The following CORO2B variants were observed in gnomAD, a reference collection of about 807,000 sequenced individuals.
The protein encoded by CORO2B is coronin 2B, also known as coronin-2B.
A neutral mutation model predicts 58.8 loss-of-function variants in CORO2B; 26 were observed. The ratio of observed to expected loss-of-function variants is 0.44; its 90% CI spans 0.32 to 0.61. CORO2B has a LOEUF of 0.61. Ranked by LOEUF, CORO2B falls within the 20% of genes least tolerant of loss-of-function variation. CORO2B has a pLI of 0.04. For synonymous variants in CORO2B, 242 were observed against 253.8 expected (o/e 0.95, Z 0.44); for missense variants, 460 against 645.1 (o/e 0.71, Z 3.11).
At chr15:68,581,212 C>A (rs1899417376) in intron 1 of CORO2B, among the ~76,000 whole-genome samples, 1 of 152,170 alleles carries the variant, frequency 6.6e-6, no homozygotes, top group South Asian at 2.1e-4. Context: ...ACTCCTCCAC[C>A]CCCATACCCA....
At chr15:68,683,655 C>T (rs11636025) in intron 2 of CORO2B, among the ~76,000 whole-genome samples, 100,624 of 151,872 alleles carry the variant, frequency 0.66, 34,101 homozygotes, top group East Asian at 0.86. Flanking sequence ...CTACCCATCA[C>T]ATTTAAGGCC....
intron 3 of CORO2B, among the ~76,000 whole-genome samples, chr15:68,699,521 C>T (rs1892591395): frequency 6.6e-6 from 1 of 151,982 alleles, no homozygotes; most frequent in Non-Finnish European, 1.5e-5. Context: ...GAGGGGCTGG[C>T]CTGGGCTGCT....
chr15:68,654,027 A>G (rs1008520022), intron 2 of CORO2B, among the ~76,000 whole-genome samples: 3 of 152,214 alleles, frequency 2.0e-5, no homozygotes, highest in Non-Finnish European at 4.4e-5. Context: ...CTCAAAGCCC[A>G]TGACAGCCTG....
the CORO2B span, among the ~76,000 whole-genome samples, chr15:68,562,678 G>A: frequency 1.3e-5 from 2 of 152,026 alleles, no homozygotes; most frequent in Non-Finnish European, 2.9e-5. Context: ...AAAATACTTC[G>A]AGACAATGAA....
chr15:68,719,974 A>T (rs2140334542), intron 11 of CORO2B, among the ~76,000 whole-genome samples: 1 of 152,274 alleles, frequency 6.6e-6, no homozygotes, highest in South Asian at 2.1e-4. Flanking sequence ...CTGGGTGTTT[A>T]TGAAGGTGCT....
At chr15:68,719,692 T>A in intron 11 of CORO2B, 140 bp downstream of exon 11, 1 of 983,834 alleles carries the variant, frequency 1.0e-6, no homozygotes, top group East Asian at 2.7e-5. Flanking sequence ...TAGCCTGATA[T>A]TGGCTTCTGA....
At chr15:68,697,236 G>A (rs1191857718) in intron 3 of CORO2B, among the ~76,000 whole-genome samples, 2 of 152,064 alleles carry the variant, frequency 1.3e-5, no homozygotes, top group South Asian at 2.1e-4. Context: ...ATGGATGGAT[G>A]GATGGATTGT....
In CORO2B at chr15:68,719,562, G is replaced by T. The variant is rs1333768843; in HGVS notation, c.1311+10G>T. ...CAGGACAGAGAATGAGGTAAGGAAT[G>T]TAAGTTATTACCTCCACAGGCCCTG... On this transcript the variant is annotated intron_variant, in intron 11 of 11. Transcript: ENST00000261861. The T allele has an allele frequency of 2.5e-6, 4 of 1,610,562 alleles. No homozygotes were observed. The highest frequency in any genetic ancestry group is 3.4e-6 in the Non-Finnish European group (4 of 1,178,824).
In CORO2B at chr15:68,719,206, G is replaced by C. The variant is rs773151303; in HGVS notation, c.1143G>C (p.Pro381=). ...MTPGTEPALT[P]DEWLGGINRD... is the part of the protein sequence containing the mutation. ...CAGGCACGGAGCCAGCACTGACCCC[G>C]GATGAATGGCTGGGAGGCATCAACC... Residue 381 remains proline, a synonymous_variant, in exon 10 of 12, where the codon CCG becomes CCC. Transcript: ENST00000261861. 2.6e-5 allele frequency: 42 copies of C among 1,613,918 alleles called. No individual in the cohort carries two copies. The highest frequency in any genetic ancestry group is 3.4e-5 in the Non-Finnish European group (40 of 1,179,998).
intron 1 of CORO2B, among the ~76,000 whole-genome samples, chr15:68,582,486 C>A (rs907364759): frequency 6.6e-6 from 1 of 152,134 alleles, no homozygotes; most frequent in Non-Finnish European, 1.5e-5. Flanking sequence ...ACGAGTAGCT[C>A]CAGCTGATTT....
At chr15:68,652,177 G>A (rs528748781) in intron 2 of CORO2B, among the ~76,000 whole-genome samples, 240 of 152,326 alleles carry the variant, frequency 1.6e-3, no homozygotes, top group Middle Eastern at 6.8e-3. Context: ...GGCAGATCTC[G>A]AAGGAGTGGC....
rs1315103533 is a variant in CORO2B, at chr15:68,710,930, G to A, written c.483+49G>A. 6.5e-7 allele frequency: 1 copy of A among 1,527,810 alleles called. No individual in the cohort carries two copies. Among genetic ancestry groups the A allele is most frequent in the Non-Finnish European group, 8.8e-7 (1 of 1,131,632 alleles). 94.6% of individuals were successfully genotyped at this position (1,527,810 alleles called of 1,614,324 possible). ...GTGGAGAGGGATTGGGGAAGAGAAA[G>A]GGGCCTTTTGGGTACCCGTAGGAAG... On this transcript the variant is annotated intron_variant, in intron 4 of 11. Transcript: ENST00000261861. The surrounding 1 kb of genome is among the most constrained non-coding windows in gnomAD (Gnocchi z 4.1).
chr15:68,560,284 C>G, the CORO2B span, among the ~76,000 whole-genome samples: 1 of 147,942 alleles, frequency 6.8e-6, no homozygotes, highest in Non-Finnish European at 1.5e-5. Flanking sequence ...TTTTCTTTTT[C>G]TTTCTTTCTT....
At chr15:68,559,564 G>A in the CORO2B span, 3 of 985,144 alleles carry the variant, frequency 3.0e-6, no homozygotes, top group Non-Finnish European at 3.6e-6. This position sits in a 1 kb window ranked among gnomAD's most constrained non-coding sequence, Gnocchi z 4.3. Flanking sequence ...CGGCCCGCTG[G>A]AAGAGCTGCA....
In CORO2B at chr15:68,683,882, G is replaced by A. The variant is rs540658900; in HGVS notation, c.217-11258G>A. 1.2e-4 allele frequency among the ~76,000 whole-genome samples: 18 copies of A among 152,304 alleles called. No homozygotes were observed. The East Asian group carries it at 2.3e-3, about 20-fold the overall frequency. On this transcript the variant is annotated intron_variant, in intron 2 of 11. Coordinates refer to ENST00000261861, the MANE Select transcript of CORO2B (RefSeq NM_006091.5). ...GGTGGAGGTGTATAACCATGGGCAT[G>A]GCATGGGCAGTAGACTGAGGGAGAG...
chr15:68,721,815 A>G (rs896177389), intron 11 of CORO2B, among the ~76,000 whole-genome samples: 4 of 152,188 alleles, frequency 2.6e-5, no homozygotes, highest in African/African-American at 7.2e-5. Flanking sequence ...TGGCACGATC[A>G]TAGCTCACTA....
intron 2 of CORO2B, among the ~76,000 whole-genome samples, chr15:68,673,790 T>C (rs984341583): frequency 7.3e-6 from 1 of 137,108 alleles, no homozygotes; most frequent in African/African-American, 2.8e-5. Flanking sequence ...TGAGCCGAGA[T>C]GGCGCCACTG....
Position 68,718,684 on chromosome 15 carries a change from T to C in CORO2B, c.968-14T>C. ...TTCTGGGACCCCATGGAGCCACATG[T>C]GTGCCTGTTACAGGGGTCATGCCCA... is the stretch of plus-strand genomic sequence containing the variant. On this transcript the variant is annotated splice_polypyrimidine_tract_variant and intron_variant, in intron 8 of 11. Coordinates refer to ENST00000261861, the MANE Select transcript of CORO2B (RefSeq NM_006091.5). The C allele has an allele frequency of 6.2e-7, 1 of 1,609,582 alleles. No homozygotes were observed. The highest frequency in any genetic ancestry group is 1.7e-5 in the Admixed American group (1 of 59,964).
At chr15:68,582,893 G>A (rs1899463275) in intron 1 of CORO2B, among the ~76,000 whole-genome samples, 1 of 152,148 alleles carries the variant, frequency 6.6e-6, no homozygotes, top group Admixed American at 6.5e-5. Context: ...TTACCTTCCT[G>A]AGCCTGGCTC....
Sources: gnomAD v4.1 joint callset for allele counts (sites outside exome capture counted in the v4.1 genomes callset) on GRCh38, gnomAD v4.1.1 for gene constraint, Gnocchi (gnomAD v3.1) non-coding constraint, MANE v1.5 for transcripts, NCBI Gene and HGNC (gene_info 2026-07-23, HGNC 2026-07-21) for gene names.